The following DNAH12 variants were observed in gnomAD, a reference collection of about 807,000 sequenced individuals.
DNAH12 encodes axonemal beta dynein heavy chain 12.
DNAH12 carries 285 observed loss-of-function variants against 371.5 expected under a neutral mutation model. The ratio of observed to expected loss-of-function variants is 0.77; its 90% CI spans 0.70 to 0.85. The LOEUF is 0.85. Among genes scored for constraint, DNAH12 ranks in the 40% least tolerant of loss-of-function variants. DNAH12 has a pLI of 0.00. For missense variants in DNAH12, 3,611 were observed against 3,689.4 expected (o/e 0.98, Z 0.55); for synonymous variants, 1,200 against 1,213.0 (o/e 0.99, Z 0.22).
chr3:57,519,850 C>T (rs1362126794), intron 4 of DNAH12: 2 of 1,043,974 alleles, frequency 1.9e-6, no homozygotes, highest in African/African-American at 3.1e-5. Context: ...CACCTGGACT[C>T]TGCAGATGGC....
In DNAH12 at chr3:57,466,840, G is replaced by A. The variant is rs558122382; in HGVS notation, c.2349+1896C>T. 5.3e-5 allele frequency among the ~76,000 whole-genome samples: 8 copies of A among 152,102 alleles called. No homozygotes were observed. The East Asian group carries it at 9.7e-4, about 18-fold the overall frequency. On this transcript the variant is annotated intron_variant, in intron 17 of 73. Transcript: ENST00000495027. ...AGCTCACTGCAACCTCAAACTCCTCGGCTTAAGTGATCCTCCCACCTCAGC... is the reference window on the plus strand; with the variant it reads ...AGCTCACTGCAACCTCAAACTCCTCAGCTTAAGTGATCCTCCCACCTCAGC...
At chr3:57,511,010 G>A in intron 4 of DNAH12, 31 bp from the exon 5 acceptor site, 1 of 1,518,870 alleles carries the variant, frequency 6.6e-7, no homozygotes. Flanking sequence ...TAAATGTTCT[G>A]CATGGTTGTA....
intron 17 of DNAH12, among the ~76,000 whole-genome samples, chr3:57,463,679 T>C (rs544342658): frequency 1.6e-4 from 24 of 152,316 alleles, no homozygotes; most frequent in African/African-American, 4.8e-4. Flanking sequence ...ACATATTCCC[T>C]AGAATTCATC....
chr3:57,485,036 G>T (rs1280821858), intron 12 of DNAH12, among the ~76,000 whole-genome samples: 1 of 152,148 alleles, frequency 6.6e-6, no homozygotes, highest in Non-Finnish European at 1.5e-5. Context: ...AAAAACAATA[G>T]ATGTTGGCAT....
At position 57,301,741 on chromosome 3, in the gene DNAH12, A is replaced by G. The variant is rs760559757; in HGVS notation, c.11388T>C (p.Phe3796=). The G allele has an allele frequency of 4.5e-5, 69 of 1,550,434 alleles. No individual in the cohort carries two copies. Among genetic ancestry groups the G allele is most frequent in the Non-Finnish European group, 5.6e-5 (64 of 1,146,674 alleles). ...YITDFLARLN[F]LQDWYNSGKP... ...ACACACACACACATTTTACCTGTAA[A>G]AAGTTCAACCGGGCTAGGAAATCTG... Residue 3796 remains phenylalanine (F), a synonymous_variant, in exon 70 of 74, where the codon TTT becomes TTC. Transcript: ENST00000495027.
At chr3:57,511,337 A>G (rs892681226) in intron 4 of DNAH12, among the ~76,000 whole-genome samples, 2 of 152,182 alleles carry the variant, frequency 1.3e-5, no homozygotes, top group African/African-American at 2.4e-5. Flanking sequence ...GGTATATAGT[A>G]GCTGAACAAA....
intron 17 of DNAH12, among the ~76,000 whole-genome samples, chr3:57,467,922 A>G (rs2153379482): frequency 6.6e-6 from 1 of 152,316 alleles, no homozygotes; most frequent in Non-Finnish European, 1.5e-5. Context: ...AGATGCAAAC[A>G]GATGTAATTC....
rs1177239711 is a variant in DNAH12, at chr3:57,436,977, T to C, written c.4629A>G (p.Thr1543=). 1.3e-6 allele frequency: 2 copies of C among 1,511,082 alleles called. No homozygotes were observed. The highest frequency in any genetic ancestry group is 1.4e-5 in the African/African-American group (1 of 70,654). 93.6% of individuals were successfully genotyped at this position (1,511,082 alleles called of 1,614,324 possible). A position where few individuals can be genotyped will look rare whatever the true frequency, so the allele number is the denominator to read the frequency against. Residue 1543 remains threonine, a synonymous_variant, in exon 30 of 74, where the codon ACA becomes ACG. Coordinates refer to ENST00000495027, the MANE Select transcript of DNAH12 (RefSeq NM_001366028.2). The part of the protein sequence containing the change: ...VKFFLEKIIQ[T]YEMMIVRHGF... ...CATGTCTAACAATCATCATTTCATATGTTTGAATTATTTTTTCAAGAAAAA... is the reference window on the plus strand; with the variant it reads ...CATGTCTAACAATCATCATTTCATACGTTTGAATTATTTTTTCAAGAAAAA...
At chr3:57,429,179 ATTT>A (rs138125857) in intron 33 of DNAH12, among the ~76,000 whole-genome samples, 108 of 147,416 alleles carry the variant, frequency 7.3e-4, no homozygotes, top group Non-Finnish European at 8.1e-4. Flanking sequence ...CTCTCCACAC[ATTT>A]TTTTTTTTTT....
At chr3:57,428,988 A>C (rs369221593) in intron 33 of DNAH12, among the ~76,000 whole-genome samples, 167 bp from the exon 34 acceptor site, 1 of 152,196 alleles carries the variant, frequency 6.6e-6, no homozygotes, top group Admixed American at 6.5e-5. Context: ...AACTATTTGC[A>C]GTTCAGTTCC....
chr3:57,543,096 T>C (rs1008572565), intron 1 of DNAH12, among the ~76,000 whole-genome samples, 193 bp from the exon 2 acceptor site: 2 of 152,114 alleles, frequency 1.3e-5, no homozygotes, highest in Non-Finnish European at 2.9e-5. Flanking sequence ...AAAACTCACT[T>C]ATGAAGCAAT....
At chr3:57,491,356 C>T (rs909515263) in intron 11 of DNAH12, among the ~76,000 whole-genome samples, 1 of 152,066 alleles carries the variant, frequency 6.6e-6, no homozygotes. Flanking sequence ...GGGAGAGGCA[C>T]GTGGTGGCTT....
rs373635092 is a variant in DNAH12 at position 57,463,463 on chromosome 3, G to T, written c.2350-588C>A. ...GACGCCTGCCTTGGCCTCCCAAAGTGCTGGGATTACAGGTATAAGCCACCA... is the reference window on the plus strand; with the variant it reads ...GACGCCTGCCTTGGCCTCCCAAAGTTCTGGGATTACAGGTATAAGCCACCA... On this transcript the variant is annotated intron_variant, in intron 17 of 73. Transcript: ENST00000495027. Among the ~76,000 whole-genome samples the T allele has an allele frequency of 1.4e-4, 22 of 152,038 alleles. No individual in the cohort carries two copies. The South Asian group carries it at 4.6e-3, about 32-fold the overall frequency.
chr3:57,470,442 C>T lies in DNAH12; in HGVS notation c.2105+1G>A, dbSNP rs926982283. ...ATTTTTATTACATTACCAGCAATTA[C>T]CGTTTTTCTGATCGCTGCCACTTCA... is the stretch of plus-strand genomic sequence containing the variant. On this transcript the variant is annotated splice_donor_variant, in intron 16 of 73. Transcript: ENST00000495027. LOFTEE classifies it high-confidence loss of function. 3 of 1,508,294 alleles carry T rather than the reference C, an allele frequency of 2.0e-6. No homozygotes were observed. Among genetic ancestry groups the T allele is most frequent in the African/African-American group, 2.8e-5 (2 of 70,784 alleles). The allele number at this position is 1,508,294 out of a possible 1,614,324, so 93.4% of individuals were successfully genotyped here.
intron 60 of DNAH12, among the ~76,000 whole-genome samples, chr3:57,349,598 T>C (rs1191232333): frequency 1.3e-5 from 2 of 152,172 alleles, no homozygotes; most frequent in African/African-American, 4.8e-5. Context: ...ATAAAGAAAA[T>C]GTGACATATA....
At chr3:57,493,444 T>C (rs1056523045) in intron 11 of DNAH12, among the ~76,000 whole-genome samples, 3 of 152,210 alleles carry the variant, frequency 2.0e-5, no homozygotes, top group Non-Finnish European at 2.9e-5. Flanking sequence ...TATATGAGAC[T>C]TGAGCATCTG....
In DNAH12 at chr3:57,509,165, C is replaced by T; in HGVS notation, c.517G>A (p.Gly173Arg). ...ACAGGAGATTCAGGTAAAGGACCTC[C>T]TTCATCTTCAAGCGATTTAACTGGT... ...KPPVKSLEDEGGPLPESPVGL... is the reference protein window; with the variant it reads ...KPPVKSLEDERGPLPESPVGL... Residue 173 changes from glycine (G) to arginine (R), a missense_variant, in exon 6 of 74, where the codon GGA becomes AGA. This residue lies in a region of DNAH12 where 1,314 missense variants were observed against 1,398.7 expected (regional missense o/e 0.94). Transcript: ENST00000495027. The T allele has an allele frequency of 6.2e-7, 1 of 1,613,754 alleles. No homozygotes were observed.
In DNAH12 at chr3:57,410,805, G is replaced by A. The variant is rs74928914; in HGVS notation, c.6021-2270C>T. On this transcript the variant is annotated intron_variant, in intron 39 of 73. Transcript: ENST00000495027. ...CACTCCAGCCTGAGTGACAGAGCAA[G>A]ACTTTGTCTCAAAGGCAAAAAAAAA... Among the ~76,000 whole-genome samples, 81 of 141,164 alleles carry A rather than the reference G, an allele frequency of 5.7e-4. 1 individual carries two copies. In the East Asian group the frequency reaches 9.1e-3, roughly 16 times the overall value. The allele number at this position is 141,164 out of a possible 152,430, so 92.6% of individuals were successfully genotyped here.
intron 66 of DNAH12, among the ~76,000 whole-genome samples, chr3:57,313,538 A>C (rs1016794559): frequency 2.6e-5 from 4 of 152,132 alleles, no homozygotes; most frequent in Admixed American, 6.5e-5. Context: ...ACTGTAGTCC[A>C]AGCTACTTGG....
Sources: gnomAD v4.1 joint callset for allele counts (sites outside exome capture counted in the v4.1 genomes callset) on GRCh38, gnomAD v4.1.1 for gene constraint, gnomAD v4.1.1 regional missense constraint, MANE v1.5 for transcripts, NCBI Gene and HGNC (gene_info 2026-07-23, HGNC 2026-07-21) for gene names.